The following ECT2 variants were observed in gnomAD, a reference collection of about 807,000 sequenced individuals.
The protein encoded by ECT2 is epithelial cell transforming 2, also known as protein ECT2.
ECT2 carries 61 observed loss-of-function variants against 116.9 expected under a neutral mutation model. The ratio of observed to expected loss-of-function variants is 0.52; its 90% CI spans 0.42 to 0.65. The LOEUF (loss-of-function observed/expected upper bound fraction) is 0.65. Ranked by LOEUF, ECT2 falls within the 30% of genes least tolerant of loss-of-function variation. The pLI, the probability that ECT2 is intolerant of heterozygous loss-of-function variation, is 0.00. For synonymous variants in ECT2, 358 were observed against 346.4 expected (o/e 1.03, Z -0.37); for missense variants, 937 against 1,078.7 (o/e 0.87, Z 1.84).
At chr3:172,781,031 A>C (rs778087024) in intron 14 of ECT2, among the ~76,000 whole-genome samples, 2 of 152,094 alleles carry the variant, frequency 1.3e-5, no homozygotes, top group African/African-American at 2.4e-5. Flanking sequence ...TTTTTTTCTA[A>C]CTCAAGATTT....
At chr3:172,776,316 T>G (rs1406454796) in intron 14 of ECT2, among the ~76,000 whole-genome samples, 1 of 151,960 alleles carries the variant, frequency 6.6e-6, no homozygotes, top group Non-Finnish European at 1.5e-5. Flanking sequence ...TTTAAAAATT[T>G]TAAAGCTTAT....
At chr3:172,756,056 A>C (rs1560240573) in intron 4 of ECT2, among the ~76,000 whole-genome samples, 1 of 152,178 alleles carries the variant, frequency 6.6e-6, no homozygotes, top group Non-Finnish European at 1.5e-5. Flanking sequence ...GTGTCCTTGC[A>C]TCCCTGGTGT....
In ECT2 at chr3:172,783,843, T is replaced by C. The variant is rs758514413; in HGVS notation, c.1662T>C (p.Phe554=). Residue 554 remains phenylalanine, a synonymous_variant, in exon 16 of 25, where the codon TTT becomes TTC. Transcript: ENST00000392692. ...VKTYPPFVNF[F]EMSKETIIKC... ...CCTACCCTCCCTTTGTAAACTTCTT[T>C]GAAATGAGCAAGGAAACAATTATTA... 46 of 1,607,764 alleles carry C rather than the reference T, an allele frequency of 2.9e-5. No individual in the cohort carries two copies. The South Asian group carries it at 4.8e-4, about 17-fold the overall frequency.
Position 172,820,216 on chromosome 3 carries a change from A to C in ECT2, c.2724A>C (p.Arg908Ser). The C allele has an allele frequency of 6.2e-7, 1 of 1,609,114 alleles. No homozygotes were observed. Among genetic ancestry groups the C allele is most frequent in the East Asian group, 2.2e-5 (1 of 44,666 alleles). The change falls in exon 25 of 25, where the codon AGA becomes AGC. Residue 908 changes from arginine to serine, a missense_variant. Coordinates refer to ENST00000392692, the MANE Select transcript of ECT2 (RefSeq NM_001258315.2). ...AAAGGAGAAGTCATACGTTAAGTAGATCTACAACTCATTTGATATGAAGCG... is the reference window on the plus strand; with the variant it reads ...AAAGGAGAAGTCATACGTTAAGTAGCTCTACAACTCATTTGATATGAAGCG... The part of the protein sequence containing the change: ...FFERRSHTLS[R>S]STTHLI
At chr3:172,785,915 A>G (rs914808557) in intron 17 of ECT2, among the ~76,000 whole-genome samples, 1 of 152,228 alleles carries the variant, frequency 6.6e-6, no homozygotes, top group African/African-American at 2.4e-5. Flanking sequence ...AATGTTACAA[A>G]TAAAATGATT....
chr3:172,782,475 A>T (rs528129034), intron 15 of ECT2, among the ~76,000 whole-genome samples: 3 of 152,320 alleles, frequency 2.0e-5, no homozygotes, highest in East Asian at 1.9e-4. Context: ...TAATTGTTTT[A>T]GTATGTATCA....
chr3:172,777,300 CT>C (rs1353054962), intron 14 of ECT2, among the ~76,000 whole-genome samples: 4 of 151,966 alleles, frequency 2.6e-5, no homozygotes, highest in Non-Finnish European at 5.9e-5. Context: ...AGTGTTAAAA[CT>C]TTTTTTTACC....
intron 14 of ECT2, among the ~76,000 whole-genome samples, chr3:172,778,066 C>A: frequency 6.6e-6 from 1 of 152,094 alleles, no homozygotes; most frequent in Non-Finnish European, 1.5e-5. Flanking sequence ...AAAGAGAAAC[C>A]CTGGTTAAGA....
At position 172,802,865 on chromosome 3, in the gene ECT2, A is replaced by C. The variant is rs962137059; in HGVS notation, c.1991A>C (p.Asn664Thr). 11 of 1,612,128 alleles carry C rather than the reference A, an allele frequency of 6.8e-6. No homozygotes were observed. The highest frequency in any genetic ancestry group is 8.5e-6 in the Non-Finnish European group (10 of 1,179,250). The change falls in exon 20 of 25, where the codon AAT becomes ACT. Residue 664 changes from asparagine to threonine, a missense_variant. Transcript: ENST00000392692. ...TTATATTTTCAACCTATACAGGCTA[A>C]TCTTTTATCTTCTCACCGAAGCTTA... ...VVYEVDGCPANLLSSHRSLVQ... is the reference protein window; with the variant it reads ...VVYEVDGCPATLLSSHRSLVQ...
chr3:172,758,755 T>G (rs1231367334), intron 5 of ECT2, among the ~76,000 whole-genome samples: 1 of 152,222 alleles, frequency 6.6e-6, no homozygotes, highest in East Asian at 1.9e-4. Flanking sequence ...GTGTTTAGAT[T>G]ATGTATATTG....
chr3:172,767,946 G>A (rs1318508184), intron 12 of ECT2, among the ~76,000 whole-genome samples: 1 of 152,126 alleles, frequency 6.6e-6, no homozygotes, highest in Non-Finnish European at 1.5e-5. Context: ...TGGCCAGGCT[G>A]GCCTCGAACT....
Position 172,761,643 on chromosome 3 carries a change from C to G in ECT2, c.718C>G (p.Pro240Ala), listed in dbSNP as rs770164810. 30 of 1,610,566 alleles carry G rather than the reference C, an allele frequency of 1.9e-5. No homozygotes were observed. Among genetic ancestry groups the G allele is most frequent in the Non-Finnish European group, 2.5e-5 (29 of 1,177,930 alleles). The change falls in exon 8 of 25, where the codon CCA becomes GCA. Residue 240 changes from proline (P) to alanine (A), a missense_variant. Coordinates refer to ENST00000392692, the MANE Select transcript of ECT2 (RefSeq NM_001258315.2). ...AVSLGTPIMK[P>A]EWIYKAWERR... is the part of the protein sequence containing the mutation. ...GAGTCTAGGTACTCCAATTATGAAGCCAGAATGGATTTATAAAGCTTGGGA... is the reference window on the plus strand; with the variant it reads ...GAGTCTAGGTACTCCAATTATGAAGGCAGAATGGATTTATAAAGCTTGGGA...
chr3:172,766,977 C>A (rs2108400901), intron 12 of ECT2, among the ~76,000 whole-genome samples: 1 of 152,266 alleles, frequency 6.6e-6, no homozygotes, highest in African/African-American at 2.4e-5. Flanking sequence ...AAAATAGATT[C>A]CCCAGTTTGT....
rs760949053 is a variant in ECT2 at position 172,754,810 on chromosome 3, G to C, written c.130+150G>C. On this transcript the variant is annotated intron_variant, in intron 2 of 24. Transcript: ENST00000392692. ...TGTTTACAGAATCCTTTTACACTAT[G>C]TCATTTTTCTGATTATTATTTGGGT... is the stretch of plus-strand genomic sequence containing the variant. The C allele has an allele frequency of 2.5e-5, 16 of 635,882 alleles. No homozygotes were observed. In the South Asian group the frequency reaches 4.3e-4, roughly 17 times the overall value. 39.4% of individuals were successfully genotyped at this position (635,882 alleles called of 1,614,324 possible). A position where few individuals can be genotyped will look rare whatever the true frequency, so the allele number is the denominator to read the frequency against.
intron 22 of ECT2, among the ~76,000 whole-genome samples, chr3:172,812,774 G>A (rs1356200409): frequency 2.0e-5 from 3 of 151,978 alleles, no homozygotes; most frequent in Non-Finnish European, 2.9e-5. Context: ...ATATCTTATG[G>A]ACATAAGAAA....
At chr3:172,787,219 ATAT>A (rs1174441137) in intron 18 of ECT2, among the ~76,000 whole-genome samples, 1 of 152,148 alleles carries the variant, frequency 6.6e-6, no homozygotes, top group Admixed American at 6.6e-5. Context: ...AGTGGACTGT[ATAT>A]ATCAGTATAT....
At chr3:172,758,636 A>C (rs1488096394) in intron 5 of ECT2, among the ~76,000 whole-genome samples, 2 of 152,172 alleles carry the variant, frequency 1.3e-5, no homozygotes, top group Non-Finnish European at 2.9e-5. Context: ...AATGACATTA[A>C]TTAGAATCAT....
chr3:172,776,208 T>C (rs1181590262), intron 14 of ECT2, among the ~76,000 whole-genome samples: 4 of 130,652 alleles, frequency 3.1e-5, no homozygotes, highest in Non-Finnish European at 6.0e-5. Flanking sequence ...CTTTTTTTTT[T>C]TTTTTTTTTT....
At chr3:172,782,573 C>T (rs566244235) in intron 15 of ECT2, among the ~76,000 whole-genome samples, 8 of 152,114 alleles carry the variant, frequency 5.3e-5, no homozygotes, top group East Asian at 1.9e-4. Context: ...AGTACATGTA[C>T]GGGTTTATTA....
Sources: allele counts gnomAD v4.1 joint callset (sites outside exome capture counted in the v4.1 genomes callset), GRCh38; gene constraint gnomAD v4.1.1; transcripts MANE v1.5; gene names NCBI Gene and HGNC (gene_info 2026-07-23, HGNC 2026-07-21).